The following GRHPR variants were observed in gnomAD, a reference collection of about 807,000 sequenced individuals.
GRHPR encodes the protein glyoxylate reductase/hydroxypyruvate reductase.
GRHPR carries 35 observed loss-of-function variants against 36.8 expected under a neutral mutation model. That is an observed-to-expected ratio of 0.95 (90% CI 0.73 to 1.26). The LOEUF (loss-of-function observed/expected upper bound fraction) is 1.26. Among genes scored for constraint, GRHPR ranks in the 50% most tolerant of loss-of-function variants. The pLI is 0.00. For synonymous variants in GRHPR, 179 were observed against 181.0 expected, an observed-to-expected ratio of 0.99 and a Z score of 0.09; for missense variants, 380 against 435.0, an observed-to-expected ratio of 0.87 and a Z score of 1.12.
At position 37,430,505 on chromosome 9, in the gene GRHPR, C is replaced by A. The variant is rs913816727; in HGVS notation, c.599-6C>A. On this transcript the variant is annotated splice_region_variant and splice_polypyrimidine_tract_variant and intron_variant, in intron 6 of 8. Transcript: ENST00000318158. Reference sequence around the variant, plus strand: ...CAGTGCCTGATGGAGTCCTGCCCTCCCTCAGTGTCTACCCCTGAGCTGGCT... The same window carrying A: ...CAGTGCCTGATGGAGTCCTGCCCTCACTCAGTGTCTACCCCTGAGCTGGCT... 1 of 1,612,888 alleles carries A rather than the reference C, an allele frequency of 6.2e-7. No individual in the cohort carries two copies. Among genetic ancestry groups the A allele is most frequent in the African/African-American group, 1.3e-5 (1 of 74,904 alleles).
At chr9:37,431,714 T>A (rs1231550788) in intron 7 of GRHPR, 2 of 370,452 alleles carry the variant, frequency 5.4e-6, no homozygotes, top group Non-Finnish European at 1.0e-5. Flanking sequence ...CCAACATGCC[T>A]GGGAGTTAGG....
Position 37,436,701 on chromosome 9 carries a change from C to A in GRHPR, c.906C>A (p.Arg302=), listed in dbSNP as rs1275733184. Residue 302 remains arginine, a synonymous_variant, in exon 9 of 9, where the codon CGC becomes CGA. Transcript: ENST00000318158. ...PHIGSATHRT[R]NTMSLLAANN... is the part of the protein sequence containing the mutation. The stretch of plus-strand genomic sequence containing the variant: ...TTGGCAGTGCCACCCACAGAACCCG[C>A]AACACCATGTCCTTGTTGGCAGCTA... 1 of 1,614,038 alleles carries A rather than the reference C, an allele frequency of 6.2e-7. No individual in the cohort carries two copies. Among genetic ancestry groups the A allele is most frequent in the Admixed American group, 1.7e-5 (1 of 60,020 alleles).
Position 37,436,960 on chromosome 9 carries a change from G to A in GRHPR, c.*178G>A. The A allele has an allele frequency of 1.5e-6, 1 of 654,422 alleles. No individual in the cohort carries two copies. The highest frequency in any genetic ancestry group is 2.7e-6 in the Non-Finnish European group (1 of 369,838). The allele number at this position is 654,422 out of a possible 1,614,324, so 40.5% of individuals were successfully genotyped here. On this transcript the variant is annotated 3_prime_UTR_variant, in exon 9 of 9. Coordinates refer to ENST00000318158, the MANE Select transcript of GRHPR (RefSeq NM_012203.2). ...TTGGACACATTTGCGCCAAAAGTATGGTAATTCTATTATTAAATAATTCTC... is the reference window on the plus strand; with the variant it reads ...TTGGACACATTTGCGCCAAAAGTATAGTAATTCTATTATTAAATAATTCTC...
upstream of GRHPR, chr9:37,422,668 T>A: frequency 8.7e-7 from 1 of 1,151,196 alleles, no homozygotes; most frequent in South Asian, 1.3e-5. Context: ...TCCCGCCCAC[T>A]CCAGCCTGGC....
intron 1 of GRHPR, among the ~76,000 whole-genome samples, chr9:37,424,587 C>T (rs1307737355): frequency 2.0e-5 from 3 of 152,262 alleles, no homozygotes; most frequent in Non-Finnish European, 2.9e-5. Context: ...TGGGAAAGCT[C>T]TTCTCTGTGC....
Position 37,432,085 on chromosome 9 carries a change from C to T in GRHPR, c.812C>T (p.Thr271Met), listed in dbSNP as rs750954346. 54 of 1,613,850 alleles carry T rather than the reference C, an allele frequency of 3.3e-5. No homozygotes were observed. In the Middle Eastern group the frequency reaches 6.6e-4, roughly 20 times the overall value. ...ATTGCAGCTGCTGGACTGGATGTGA[C>T]GAGCCCAGAACCACTGCCTACAAAC... Reference protein sequence around the residue: ...GKIAAAGLDVTSPEPLPTNHP... With the variant: ...GKIAAAGLDVMSPEPLPTNHP... Residue 271 changes from threonine to methionine, a missense_variant, in exon 8 of 9, where the codon ACG becomes ATG. Physicochemically the swap from Thr to Met is moderately conservative, Grantham distance 81. Coordinates refer to ENST00000318158, the MANE Select transcript of GRHPR (RefSeq NM_012203.2).
rs1459420849 is a variant in GRHPR, at chr9:37,436,870, G to A, written c.*88G>A. On this transcript the variant is annotated 3_prime_UTR_variant, in exon 9 of 9. Coordinates refer to ENST00000318158, the MANE Select transcript of GRHPR (RefSeq NM_012203.2). ...GGCTTGATTTGGATCCACAGGCAGA[G>A]CCAAGGGAAGGTGTGATTCTCTGAG... The A allele has an allele frequency of 5.8e-6, 8 of 1,390,638 alleles. No homozygotes were observed. Among genetic ancestry groups the A allele is most frequent in the Middle Eastern group, 1.9e-4 (1 of 5,342 alleles). The allele number at this position is 1,390,638 out of a possible 1,614,324, so 86.1% of individuals were successfully genotyped here. A position where few individuals can be genotyped will look rare whatever the true frequency, so the allele number is the denominator to read the frequency against.
intron 7 of GRHPR, chr9:37,431,623 A>G (rs1298339922): frequency 7.3e-6 from 2 of 273,522 alleles, no homozygotes; most frequent in Admixed American, 4.9e-5. Flanking sequence ...ACCAGATCAG[A>G]AACACTTGGA....
At chr9:37,434,537 C>T in intron 8 of GRHPR, 1 of 373,246 alleles carries the variant, frequency 2.7e-6, no homozygotes, top group South Asian at 3.9e-5. Context: ...GTAGAAGTAG[C>T]AGCTCCCACT....
At chr9:37,427,299 G>C (rs1823127867) in intron 4 of GRHPR, among the ~76,000 whole-genome samples, 1 of 152,158 alleles carries the variant, frequency 6.6e-6, no homozygotes, top group South Asian at 2.1e-4. Context: ...AATCTAAAAA[G>C]CTCGGACAGC....
At chr9:37,427,063 G>GC (rs1823118375) in intron 4 of GRHPR, among the ~76,000 whole-genome samples, 1 of 152,172 alleles carries the variant, frequency 6.6e-6, no homozygotes, top group Non-Finnish European at 1.5e-5. Context: ...CCCCAGGTGT[G>GC]CCCCATTGAG....
Position 37,422,925 on chromosome 9 carries a change from G to A in GRHPR, c.83+92G>A, listed in dbSNP as rs921520361. ...CGTTTGGGCCTTGTGGCCGGCTGGG[G>A]CAGGCTTGGAGTTTTGGGGAGTCTC... On this transcript the variant is annotated intron_variant, in intron 1 of 8. Coordinates refer to ENST00000318158, the MANE Select transcript of GRHPR (RefSeq NM_012203.2). 7.4e-5 allele frequency: 70 copies of A among 940,210 alleles called. 1 individual carries two copies. The highest frequency in any genetic ancestry group is 1.1e-4 in the Non-Finnish European group (67 of 611,994). 58.2% of individuals were successfully genotyped at this position (940,210 alleles called of 1,614,324 possible). A position where few individuals can be genotyped will look rare whatever the true frequency, so the allele number is the denominator to read the frequency against.
upstream of GRHPR, chr9:37,422,526 CA>C (rs1406196101): frequency 1.0e-3 from 509 of 498,990 alleles, 8 homozygotes; most frequent in East Asian, 6.5e-3. Context: ...CACCCCCCCA[CA>C]CACACACAAG....
chr9:37,426,791 T>C (rs1053313089), intron 4 of GRHPR, 137 bp downstream of exon 4: 6 of 627,606 alleles, frequency 9.6e-6, no homozygotes, highest in South Asian at 1.7e-5. Context: ...CTAGTAAAAA[T>C]ACAAAAAAAA....
Position 37,436,692 on chromosome 9 carries a change from C to G in GRHPR, c.897C>G (p.His299Gln), listed in dbSNP as rs774847239. 6.2e-7 allele frequency: 1 copy of G among 1,614,138 alleles called. No homozygotes were observed. The highest frequency in any genetic ancestry group is 8.5e-7 in the Non-Finnish European group (1 of 1,179,974). The change falls in exon 9 of 9, where the codon CAC becomes CAG. Residue 299 changes from histidine (H) to glutamine (Q), a missense_variant. By Grantham distance (24) the His-to-Gln change is conservative. Transcript: ENST00000318158. ...TGCCCCACATTGGCAGTGCCACCCA[C>G]AGAACCCGCAACACCATGTCCTTGT... is the stretch of plus-strand genomic sequence containing the variant. The part of the protein sequence containing the change: ...VILPHIGSAT[H>Q]RTRNTMSLLA...
chr9:37,426,767 G>C, intron 4 of GRHPR, 113 bp downstream of exon 4: 2 of 694,120 alleles, frequency 2.9e-6, no homozygotes, highest in South Asian at 2.9e-5. Context: ...GGCCAACATA[G>C]TGAAACCCCG....
At chr9:37,423,033 C>T (rs1374664062) in intron 1 of GRHPR, among the ~76,000 whole-genome samples, 200 bp downstream of exon 1, 1 of 152,144 alleles carries the variant, frequency 6.6e-6, no homozygotes, top group Admixed American at 6.5e-5. Flanking sequence ...GGAGATTGCC[C>T]CTGAGGCAAG....
At chr9:37,431,196 G>T in intron 7 of GRHPR, 1 of 368,230 alleles carries the variant, frequency 2.7e-6, no homozygotes. Context: ...CCTAGCTGGT[G>T]CCCCTTGAGC....
chr9:37,438,520 C>CAA (rs1324511369), downstream of GRHPR: 3 of 152,302 alleles, frequency 2.0e-5, no homozygotes, highest in Non-Finnish European at 4.4e-5. Flanking sequence ...GCCCCAAAAG[C>CAA]AAAGTCCACT....
Sources: gnomAD v4.1 joint callset for allele counts (sites outside exome capture counted in the v4.1 genomes callset) on GRCh38, gnomAD v4.1.1 for gene constraint, MANE v1.5 for transcripts, NCBI Gene and HGNC (gene_info 2026-07-23, HGNC 2026-07-21) for gene names.